Variants in FBXL17 observed in about 807,000 individuals in gnomAD.
FBXL17 encodes the protein F-box/LRR-repeat protein 17.
A neutral mutation model predicts 66.2 loss-of-function variants in FBXL17; 22 were observed. The observed-to-expected ratio is 0.33, with a 90% confidence interval of 0.24 to 0.47. The LOEUF (loss-of-function observed/expected upper bound fraction) is 0.47. Ranked by LOEUF, FBXL17 falls within the 20% of genes least tolerant of loss-of-function variation. FBXL17 has a pLI of 1.00. For synonymous variants in FBXL17, 474 were observed against 400.5 expected (o/e 1.18, Z -2.19); for missense variants, 878 against 948.2 (o/e 0.93, Z 0.97).
intron 6 of FBXL17, among the ~76,000 whole-genome samples, chr5:108,064,584 T>G (rs1376114226): frequency 6.6e-6 from 1 of 152,292 alleles, no homozygotes; most frequent in South Asian, 2.1e-4. Flanking sequence ...TTTGCTCTTA[T>G]AGAGAAATTG....
At chr5:107,882,550 C>T (rs1350826267) in intron 7 of FBXL17, among the ~76,000 whole-genome samples, 1 of 152,062 alleles carries the variant, frequency 6.6e-6, no homozygotes, top group African/African-American at 2.4e-5. Flanking sequence ...TTTGTGCATG[C>T]TGTTTTGATA....
intron 6 of FBXL17, among the ~76,000 whole-genome samples, chr5:108,146,806 C>G (rs983492618): frequency 1.2e-4 from 18 of 152,138 alleles, no homozygotes; most frequent in Admixed American, 9.8e-4. Context: ...CAGGTTTCAG[C>G]AAAAAGGGAT....
chr5:108,182,759 C>A (rs1404009404), intron 6 of FBXL17, among the ~76,000 whole-genome samples: 2 of 152,112 alleles, frequency 1.3e-5, no homozygotes, highest in Non-Finnish European at 2.9e-5. Flanking sequence ...GAAGGAAAGG[C>A]AAAGTGAGAG....
chr5:107,993,470 G>A (rs1753343792), intron 7 of FBXL17, among the ~76,000 whole-genome samples: 1 of 152,140 alleles, frequency 6.6e-6, no homozygotes, highest in Non-Finnish European at 1.5e-5. Context: ...AAATACATAT[G>A]ATTTTCTGAC....
intron 4 of FBXL17, among the ~76,000 whole-genome samples, chr5:108,238,498 G>A (rs1035572327): frequency 1.3e-5 from 2 of 152,030 alleles, no homozygotes; most frequent in Non-Finnish European, 2.9e-5. Flanking sequence ...AATGAATTGT[G>A]ACTTTTTAAT....
intron 4 of FBXL17, among the ~76,000 whole-genome samples, chr5:108,258,261 G>T (rs1307447319): frequency 3.3e-5 from 5 of 152,120 alleles, no homozygotes; most frequent in African/African-American, 1.2e-4. Flanking sequence ...AGCCAGAAGA[G>T]TGCCCTCACC....
At chr5:108,073,451 T>C (rs1748417928) in intron 6 of FBXL17, among the ~76,000 whole-genome samples, 2 of 152,110 alleles carry the variant, frequency 1.3e-5, no homozygotes, top group South Asian at 2.1e-4. Flanking sequence ...TAAGGTATTA[T>C]CTACAAGGAC....
chr5:108,319,761 A>T (rs558397042), intron 4 of FBXL17, among the ~76,000 whole-genome samples: 2 of 151,866 alleles, frequency 1.3e-5, no homozygotes, highest in African/African-American at 4.8e-5. Context: ...ATTTTTAACT[A>T]TATAACTTCT....
chr5:108,367,065 G>A (rs529467646), intron 2 of FBXL17, among the ~76,000 whole-genome samples: 2 of 152,150 alleles, frequency 1.3e-5, no homozygotes, highest in East Asian at 1.9e-4. Context: ...TTTAAAGACA[G>A]TTGCTAAACA....
rs112170421 is a variant in FBXL17, at chr5:108,242,491, G to A, written c.1507-18263C>T. Among the ~76,000 whole-genome samples, 616 of 151,948 alleles carry A rather than the reference G, an allele frequency of 4.1e-3. 4 individuals carry two copies. Among genetic ancestry groups the A allele is most frequent in the African/African-American group, 0.014 (587 of 41,410 alleles). On this transcript the variant is annotated intron_variant, in intron 4 of 8. Coordinates refer to ENST00000542267, the MANE Select transcript of FBXL17 (RefSeq NM_001163315.3). The stretch of plus-strand genomic sequence containing the variant: ...CCCACCTCAGCCTCCAAAAGTGCTC[G>A]GATTATAGGTGTAAGCCACTGTGTC...
chr5:108,265,174 G>A (rs2150130625), intron 4 of FBXL17, among the ~76,000 whole-genome samples: 1 of 151,812 alleles, frequency 6.6e-6, no homozygotes, highest in African/African-American at 2.4e-5. Flanking sequence ...TAGTTGCTTT[G>A]ATTATATGAC....
In FBXL17 at chr5:108,330,311, T is replaced by C. The variant is rs752937503; in HGVS notation, c.1506+18088A>G. 6.6e-4 allele frequency among the ~76,000 whole-genome samples: 100 copies of C among 152,324 alleles called. 2 individuals are homozygous for C. Among genetic ancestry groups the C allele is most frequent in the South Asian group, 1.4e-3 (7 of 4,828 alleles). On this transcript the variant is annotated intron_variant, in intron 4 of 8. Transcript: ENST00000542267. ...TTTTCCATTAAATTATTCAAATGAC[T>C]GATCTACATCGAGAAAAGCCAATCA...
At chr5:108,139,491 C>T (rs865891859) in intron 6 of FBXL17, among the ~76,000 whole-genome samples, 2 of 152,064 alleles carry the variant, frequency 1.3e-5, no homozygotes, top group Non-Finnish European at 2.9e-5. Context: ...TCATGTGGAC[C>T]GATGCCACTA....
At chr5:108,059,559 G>A (rs563462942) in intron 6 of FBXL17, among the ~76,000 whole-genome samples, 6 of 152,308 alleles carry the variant, frequency 3.9e-5, no homozygotes, top group Non-Finnish European at 8.8e-5. Flanking sequence ...CCAGGTGGAA[G>A]GCTAAGGAGG....
At chr5:107,971,642 T>C (rs578092258) in intron 7 of FBXL17, among the ~76,000 whole-genome samples, 5 of 152,308 alleles carry the variant, frequency 3.3e-5, no homozygotes, top group South Asian at 4.2e-4. Context: ...TTAGGTTTCA[T>C]TGTTTTATTA....
chr5:108,293,932 T>C lies in FBXL17; in HGVS notation c.1506+54467A>G, dbSNP rs552613428. Among the ~76,000 whole-genome samples, 1,163 of 149,408 alleles carry C rather than the reference T, an allele frequency of 7.8e-3. 10 individuals are homozygous for C. The highest frequency in any genetic ancestry group is 0.011 in the Non-Finnish European group (762 of 67,774). On this transcript the variant is annotated intron_variant, in intron 4 of 8. Transcript: ENST00000542267. Reference sequence around the variant, plus strand: ...GGCACATGCCTGTAATTCCAGCTACTTGGGAGGCTGAAGCACAAGAATCCA... The same window carrying C: ...GGCACATGCCTGTAATTCCAGCTACCTGGGAGGCTGAAGCACAAGAATCCA...
At chr5:108,257,187 CAACA>C (rs1206790450) in intron 4 of FBXL17, among the ~76,000 whole-genome samples, 4 of 152,110 alleles carry the variant, frequency 2.6e-5, no homozygotes, top group Admixed American at 2.0e-4. Flanking sequence ...GAAAACAGCA[CAACA>C]AACAAAGACA....
At chr5:108,004,442 T>C (rs1753851212) in intron 7 of FBXL17, among the ~76,000 whole-genome samples, 1 of 152,196 alleles carries the variant, frequency 6.6e-6, no homozygotes, top group African/African-American at 2.4e-5. Flanking sequence ...AGAAATAAAA[T>C]AATATTCCAC....
chr5:108,381,358 A>G lies in FBXL17; in HGVS notation c.334T>C (p.Cys112Arg). ...RRYAALAAED[C>R]AAAARRFLLS... is the part of the protein sequence containing the mutation. ...AGGAAGCGGCGGGCAGCAGCGGCGC[A>G]GTCCTCGGCGGCCAGGGCCGCGTAG... The change falls in exon 1 of 9, where the codon TGC (cysteine) becomes CGC (arginine). Residue 112 changes from cysteine to arginine, a missense_variant. By Grantham distance (180) the Cys-to-Arg change is radical. Transcript: ENST00000542267. 1 of 1,346,848 alleles carries G rather than the reference A, an allele frequency of 7.4e-7. No homozygotes were observed. 83.4% of individuals were successfully genotyped at this position (1,346,848 alleles called of 1,614,324 possible). A position where few individuals can be genotyped will look rare whatever the true frequency, so the allele number is the denominator to read the frequency against.
Sources: allele counts gnomAD v4.1 joint callset (sites outside exome capture counted in the v4.1 genomes callset), GRCh38; gene constraint gnomAD v4.1.1; transcripts MANE v1.5; gene names NCBI Gene and HGNC (gene_info 2026-07-23, HGNC 2026-07-21).